The following SPRED1 variants were observed in gnomAD, a reference collection of about 807,000 sequenced individuals.
The protein encoded by SPRED1 is sprouty-related, EVH1 domain-containing protein 1.
In SPRED1, 18 loss-of-function variants were observed where a neutral mutation model predicts 52.3. That is an observed-to-expected ratio of 0.34 (90% CI 0.24 to 0.51). SPRED1 has a LOEUF of 0.51. SPRED1 is among the 20% of genes least tolerant of loss of function. The pLI is 0.97. For missense variants in SPRED1, 485 were observed against 551.0 expected (o/e 0.88, Z 1.20); for synonymous variants, 155 against 179.7 (o/e 0.86, Z 1.10).
rs1894010931 is a variant in SPRED1, at chr15:38,252,993, C to T, written c.-193C>T. 3.3e-6 allele frequency: 2 copies of T among 608,970 alleles called. No individual in the cohort carries two copies. Among genetic ancestry groups the T allele is most frequent in the African/African-American group, 3.7e-5 (2 of 53,790 alleles). The allele number at this position is 608,970 out of a possible 1,614,324, so 37.7% of individuals were successfully genotyped here. Reference sequence around the variant, plus strand: ...CCACGGCGGAGGTTGCTGCCGCCACCCCCCTGCGGGGGTGGCCGGGGTTCC... The same window carrying T: ...CCACGGCGGAGGTTGCTGCCGCCACTCCCCTGCGGGGGTGGCCGGGGTTCC... On this transcript the variant is annotated 5_prime_UTR_variant, in exon 1 of 7. Transcript: ENST00000299084.
rs569887321 is a variant in SPRED1, at chr15:38,279,121, C to T, written c.33-20252C>T. 2.8e-3 allele frequency among the ~76,000 whole-genome samples: 422 copies of T among 152,320 alleles called. 6 individuals are homozygous for T. Among genetic ancestry groups the T allele is most frequent in the Non-Finnish European group, 6.6e-4 (45 of 68,022 alleles). On this transcript the variant is annotated intron_variant, in intron 1 of 6. Transcript: ENST00000299084. The stretch of plus-strand genomic sequence containing the variant: ...GATTACAGGCGTGAGCCACCATGCC[C>T]AGCCTCCTAACTACATTTTTGATCC...
At chr15:38,341,064 C>T (rs1449887795) in intron 5 of SPRED1, among the ~76,000 whole-genome samples, 1 of 140,688 alleles carries the variant, frequency 7.1e-6, no homozygotes, top group Non-Finnish European at 1.5e-5. Flanking sequence ...CAGGACTATT[C>T]ACCTTTCCTA....
chr15:38,351,505 G>A lies in SPRED1; in HGVS notation c.1176G>A (p.Ser392=), dbSNP rs755223172. The A allele has an allele frequency of 3.9e-5, 63 of 1,613,944 alleles. No homozygotes were observed. Among genetic ancestry groups the A allele is most frequent in the African/African-American group, 1.1e-4 (8 of 74,878 alleles). The part of the protein sequence containing the change: ...DSEGDFSDPC[S]CDTSDDKFCL... ...AGGGAGATTTTTCTGATCCCTGTTC[G>A]TGTGACACTAGCGACGACAAGTTCT... Residue 392 remains serine, a synonymous_variant, in exon 7 of 7, where the codon TCG becomes TCA. Transcript: ENST00000299084.
At chr15:38,304,823 A>G (rs1895217420) in intron 2 of SPRED1, among the ~76,000 whole-genome samples, 1 of 152,050 alleles carries the variant, frequency 6.6e-6, no homozygotes, top group African/African-American at 2.4e-5. Flanking sequence ...CTTCGCTATT[A>G]CATTGTGCCT....
intron 1 of SPRED1, among the ~76,000 whole-genome samples, chr15:38,284,570 T>A (rs1216543630): frequency 2.0e-5 from 3 of 152,216 alleles, no homozygotes; most frequent in African/African-American, 7.2e-5. Flanking sequence ...TCTGTTATAA[T>A]TTCTGACTTT....
chr15:38,317,624 A>G (rs888112222), intron 2 of SPRED1, among the ~76,000 whole-genome samples: 6 of 151,986 alleles, frequency 3.9e-5, no homozygotes, highest in African/African-American at 1.4e-4. Context: ...ACATTGGGCT[A>G]AAGTCAGAAC....
In SPRED1 at chr15:38,356,211, T is replaced by C. The variant is rs1349177831; in HGVS notation, c.*4547T>C. The stretch of plus-strand genomic sequence containing the variant: ...TTGTATATTATTTCCATTAAAAGCT[T>C]GACTGCATTCTTTCTAATGAACAAT... On this transcript the variant is annotated 3_prime_UTR_variant, in exon 7 of 7. Coordinates refer to ENST00000299084, the MANE Select transcript of SPRED1 (RefSeq NM_152594.3). 6.6e-6 allele frequency: 1 copy of C among 152,166 alleles called. No individual in the cohort carries two copies. Among genetic ancestry groups the C allele is most frequent in the East Asian group, 1.9e-4 (1 of 5,200 alleles). The allele number at this position is 152,166 out of a possible 1,614,324, so 9.4% of individuals were successfully genotyped here.
intron 2 of SPRED1, among the ~76,000 whole-genome samples, chr15:38,309,356 G>A (rs535512077): frequency 1.3e-5 from 2 of 152,168 alleles, no homozygotes; most frequent in Admixed American, 6.5e-5. Flanking sequence ...GGCCAGGCTG[G>A]TCTTGAACTC....
At chr15:38,264,454 C>CA (rs1212202259) in intron 1 of SPRED1, among the ~76,000 whole-genome samples, 1 of 152,046 alleles carries the variant, frequency 6.6e-6, no homozygotes, top group Admixed American at 6.5e-5. Flanking sequence ...AATGGAAAGA[C>CA]AAAGAGATTT....
At chr15:38,269,314 A>T (rs561277369) in intron 1 of SPRED1, among the ~76,000 whole-genome samples, 83 of 152,148 alleles carry the variant, frequency 5.5e-4, no homozygotes, top group Non-Finnish European at 8.5e-4. Context: ...GCACAATCAC[A>T]GCACGCTAAC....
Position 38,351,190 on chromosome 15 carries a change from T to TA in SPRED1, c.867dup (p.Ser290IlefsTer10), listed in dbSNP as rs1424526290. 6.2e-7 allele frequency: 1 copy of TA among 1,614,062 alleles called. No homozygotes were observed. ...GTATTCAGTTTTCTAAACCAGACAG[T>TA]AAAAAATCAGACTATCTGTACTCTT... On this transcript the variant is annotated frameshift_variant, in exon 7 of 7. Transcript: ENST00000299084. LOFTEE classifies it high-confidence loss of function.
intron 1 of SPRED1, among the ~76,000 whole-genome samples, chr15:38,282,347 ACACACAC>A: frequency 6.6e-6 from 1 of 150,920 alleles, no homozygotes; most frequent in Non-Finnish European, 1.5e-5. Flanking sequence ...ACACACATGC[ACACACAC>A]AAGTTAACCT....
intron 4 of SPRED1, among the ~76,000 whole-genome samples, chr15:38,334,537 G>A (rs954992825): frequency 1.3e-5 from 2 of 152,034 alleles, no homozygotes; most frequent in African/African-American, 4.8e-5. Context: ...ATAGTTTCTG[G>A]TATTTTAAAA....
intron 2 of SPRED1, among the ~76,000 whole-genome samples, chr15:38,301,169 G>T (rs549772952): frequency 6.6e-6 from 1 of 152,138 alleles, no homozygotes; most frequent in Non-Finnish European, 1.5e-5. Flanking sequence ...GACCAAATCT[G>T]CATAACTAAT....
rs1895108411 is a variant in SPRED1, at chr15:38,299,461, A to G, written c.121A>G (p.Ser41Gly). 6.2e-7 allele frequency: 1 copy of G among 1,613,942 alleles called. No individual in the cohort carries two copies. ...WLPLGGSGLS[S>G]VTVFKVPHQE... ...ACCACTTGGAGGGAGTGGACTAAGC[A>G]GCGTCACTGTCTTCAAAGTCCCTCA... The change falls in exon 2 of 7, where the codon AGC (serine) becomes GGC (glycine). Residue 41 changes from serine to glycine, a missense_variant. Physicochemically the swap from Ser to Gly is moderately conservative, Grantham distance 56. Coordinates refer to ENST00000299084, the MANE Select transcript of SPRED1 (RefSeq NM_152594.3).
intron 1 of SPRED1, among the ~76,000 whole-genome samples, chr15:38,285,650 G>T (rs1259365952): frequency 6.6e-6 from 1 of 152,074 alleles, no homozygotes; most frequent in African/African-American, 2.4e-5. Context: ...TTTTTGTAGG[G>T]TCTTTAGAGT....
At chr15:38,315,387 C>A (rs1395927337) in intron 2 of SPRED1, among the ~76,000 whole-genome samples, 1 of 151,916 alleles carries the variant, frequency 6.6e-6, no homozygotes, top group East Asian at 1.9e-4. Flanking sequence ...ATTGTACTCT[C>A]TTCTTCCAAA....
intron 1 of SPRED1, among the ~76,000 whole-genome samples, chr15:38,278,099 A>G (rs1419212327): frequency 1.3e-5 from 2 of 152,186 alleles, no homozygotes; most frequent in East Asian, 1.9e-4. Context: ...AGGTAGAACT[A>G]TTTGTGTGTG....
intron 1 of SPRED1, among the ~76,000 whole-genome samples, chr15:38,291,771 A>T (rs1316030438): frequency 6.6e-6 from 1 of 152,188 alleles, no homozygotes; most frequent in Non-Finnish European, 1.5e-5. Flanking sequence ...CACACAGCAC[A>T]GGGACAGTGG....
Sources: allele counts gnomAD v4.1 joint callset (sites outside exome capture counted in the v4.1 genomes callset), GRCh38; gene constraint gnomAD v4.1.1; transcripts MANE v1.5; gene names NCBI Gene and HGNC (gene_info 2026-07-23, HGNC 2026-07-21).